RASAL1: variants seen among roughly 807,000 people sequenced by gnomAD.
RASAL1 encodes the protein rasGAP-activating-like protein 1.
In RASAL1, 72 loss-of-function variants were observed where a neutral mutation model predicts 96.6. That is an observed-to-expected ratio of 0.75 (90% CI 0.62 to 0.91). RASAL1 has a LOEUF of 0.91. Ranked by LOEUF, RASAL1 falls within the 40% of genes least tolerant of loss-of-function variation. RASAL1 has a pLI of 0.00. For missense variants in RASAL1, 1,016 were observed against 1,072.5 expected, an observed-to-expected ratio of 0.95 and a Z score of 0.74; for synonymous variants, 405 against 430.4, an observed-to-expected ratio of 0.94 and a Z score of 0.73.
intron 1 of RASAL1, among the ~76,000 whole-genome samples, chr12:113,133,044 C>A (rs569837191): frequency 6.6e-6 from 1 of 152,314 alleles, no homozygotes; most frequent in Admixed American, 6.5e-5. Context: ...CCCTCAGTTT[C>A]CCCAACTACA....
Position 113,119,239 on chromosome 12 carries a change from G to A in RASAL1, c.531C>T (p.Phe177=), listed in dbSNP as rs780200643. ...LETSTIKKTR[F]PHWDEVLELR... Reference sequence around the variant, plus strand: ...GCTCCAGCACTTCATCCCAGTGCGGGAAGCGAGTCTTCTTGATGGTCTGAG... The same window carrying A: ...GCTCCAGCACTTCATCCCAGTGCGGAAAGCGAGTCTTCTTGATGGTCTGAG... Residue 177 remains phenylalanine (F), a synonymous_variant, in exon 7 of 21, where the codon TTC becomes TTT. Transcript: ENST00000548055. 2 of 1,613,482 alleles carry A rather than the reference G, an allele frequency of 1.2e-6. No homozygotes were observed. Among genetic ancestry groups the A allele is most frequent in the South Asian group, 2.2e-5 (2 of 91,066 alleles).
intron 13 of RASAL1, among the ~76,000 whole-genome samples, chr12:113,109,050 T>A (rs1028518019): frequency 6.7e-6 from 1 of 150,322 alleles, no homozygotes; most frequent in South Asian, 2.1e-4. Context: ...TGTGTTTTTT[T>A]TTTTTTTTTT....
At position 113,115,372 on chromosome 12, in the gene RASAL1, G is replaced by T. The variant is rs1951036443; in HGVS notation, c.1004-108C>A. 2.6e-6 allele frequency: 3 copies of T among 1,175,020 alleles called. No homozygotes were observed. Among genetic ancestry groups the T allele is most frequent in the Non-Finnish European group, 3.8e-6 (3 of 785,564 alleles). 72.8% of individuals were successfully genotyped at this position (1,175,020 alleles called of 1,614,324 possible). A position where few individuals can be genotyped will look rare whatever the true frequency, so the allele number is the denominator to read the frequency against. ...TTCTTCCAGCCCCAAGAATCAGGAA[G>T]ACCCAAAACATCAACCCCATTCACA... On this transcript the variant is annotated intron_variant, in intron 10 of 20. Transcript: ENST00000548055. The surrounding 1 kb of genome is among the most constrained non-coding windows in gnomAD (Gnocchi z 4.1).
rs1299855152 is a variant in RASAL1, at chr12:113,117,023, C to T, written c.731+50G>A. 11 of 1,435,586 alleles carry T rather than the reference C, an allele frequency of 7.7e-6. No individual in the cohort carries two copies. In the Admixed American group the frequency reaches 8.0e-5, roughly 10 times the overall value. 88.9% of individuals were successfully genotyped at this position (1,435,586 alleles called of 1,614,324 possible). A position where few individuals can be genotyped will look rare whatever the true frequency, so the allele number is the denominator to read the frequency against. The stretch of plus-strand genomic sequence containing the variant: ...GGGCTCTGCCCGCAAGCTGTGGATG[C>T]TGCCCGGCATGGCTCCAGCCTGGCC... On this transcript the variant is annotated intron_variant, in intron 8 of 20. Transcript: ENST00000548055.
chr12:113,122,535 G>T (rs954828807), intron 4 of RASAL1, among the ~76,000 whole-genome samples: 2 of 152,136 alleles, frequency 1.3e-5, no homozygotes. Flanking sequence ...ATGTTGCCCA[G>T]GCTGGTCTCG....
At chr12:113,107,783 T>C (rs934113003) in intron 14 of RASAL1, among the ~76,000 whole-genome samples, 2 of 152,216 alleles carry the variant, frequency 1.3e-5, no homozygotes, top group Admixed American at 1.3e-4. Context: ...GGTACTCTCA[T>C]GCAGAATCTC....
rs368725777 is a variant in RASAL1, at chr12:113,100,147, T to C, written c.2279-79A>G. On this transcript the variant is annotated intron_variant, in intron 20 of 20. Coordinates refer to ENST00000548055, the MANE Select transcript of RASAL1 (RefSeq NM_001301202.2). ...GTAACCCGGACCCAATGGTTTCTCATGCTGAAGATGTGCCTTGTGCCCTGA... is the reference window on the plus strand; with the variant it reads ...GTAACCCGGACCCAATGGTTTCTCACGCTGAAGATGTGCCTTGTGCCCTGA... 758 of 1,435,206 alleles carry C rather than the reference T, an allele frequency of 5.3e-4. 8 individuals carry two copies. In the African/African-American group the frequency reaches 9.1e-3, roughly 17 times the overall value. The allele number at this position is 1,435,206 out of a possible 1,614,324, so 88.9% of individuals were successfully genotyped here.
In RASAL1 at chr12:113,099,745, C is replaced by T; in HGVS notation, c.*184G>A. The T allele has an allele frequency of 1.2e-6, 1 of 807,238 alleles. No homozygotes were observed. The highest frequency in any genetic ancestry group is 1.9e-6 in the Non-Finnish European group (1 of 530,918). 50.0% of individuals were successfully genotyped at this position (807,238 alleles called of 1,614,324 possible). On this transcript the variant is annotated 3_prime_UTR_variant, in exon 21 of 21. Coordinates refer to ENST00000548055, the MANE Select transcript of RASAL1 (RefSeq NM_001301202.2). ...AGTTTCACTCAGTGCAAGGCTGGCCCCTGCCAAAGGGCTTCCATGCCCTGA... is the reference window on the plus strand; with the variant it reads ...AGTTTCACTCAGTGCAAGGCTGGCCTCTGCCAAAGGGCTTCCATGCCCTGA...
At chr12:113,131,369 C>T (rs1247790736) in intron 1 of RASAL1, among the ~76,000 whole-genome samples, 2 of 152,058 alleles carry the variant, frequency 1.3e-5, no homozygotes, top group Non-Finnish European at 2.9e-5. Context: ...GTGATGCTCA[C>T]ATACACCTCC....
intron 18 of RASAL1, 185 bp downstream of exon 18, chr12:113,103,761 C>T: frequency 1.3e-6 from 1 of 788,744 alleles, no homozygotes; most frequent in Non-Finnish European, 2.0e-6. Context: ...TAAATCAAGT[C>T]ATTTAATTAT....
At chr12:113,136,520 G>A (rs1951920840), upstream of RASAL1, among the ~76,000 whole-genome samples, 1 of 152,184 alleles carries the variant, frequency 6.6e-6, no homozygotes, top group Non-Finnish European at 1.5e-5. Flanking sequence ...AAATAACTTG[G>A]CAGAGGTCTC....
chr12:113,099,921 G>T lies in RASAL1; in HGVS notation c.*8C>A. 6.2e-7 allele frequency: 1 copy of T among 1,607,940 alleles called. No homozygotes were observed. The highest frequency in any genetic ancestry group is 8.5e-7 in the Non-Finnish European group (1 of 1,176,538). Reference sequence around the variant, plus strand: ...TGCTCCTCCTTCCGGGCTAGCTCTGGCATTTCCTTAGGGGCCAAGGGGGCC... The same window carrying T: ...TGCTCCTCCTTCCGGGCTAGCTCTGTCATTTCCTTAGGGGCCAAGGGGGCC... On this transcript the variant is annotated 3_prime_UTR_variant, in exon 21 of 21. Coordinates refer to ENST00000548055, the MANE Select transcript of RASAL1 (RefSeq NM_001301202.2).
intron 19 of RASAL1, 85 bp from the exon 20 acceptor site, chr12:113,100,765 T>C: frequency 8.3e-7 from 1 of 1,206,504 alleles, no homozygotes; most frequent in Admixed American, 1.8e-5. Flanking sequence ...AGAAATTAGT[T>C]TTCCTGAACC....
chr12:113,135,058 AC>A lies in RASAL1; in HGVS notation c.65+339del, dbSNP rs1200816486. On this transcript the variant is annotated intron_variant, in intron 1 of 20. Transcript: ENST00000548055. The surrounding 1 kb of genome is among the most constrained non-coding windows in gnomAD (Gnocchi z 5.7). ...AACATCTGCCTGGACTAAGGAAGAG[AC>A]CCCCCGCTTTCTCCCCTCCCAGATC... Among the ~76,000 whole-genome samples, 1 of 150,122 alleles carries A rather than the reference AC, an allele frequency of 6.7e-6. No individual in the cohort carries two copies. Among genetic ancestry groups the A allele is most frequent in the Non-Finnish European group, 1.5e-5 (1 of 67,532 alleles).
chr12:113,118,422 T>G (rs1048140430), intron 7 of RASAL1, among the ~76,000 whole-genome samples: 3 of 152,110 alleles, frequency 2.0e-5, no homozygotes, highest in Non-Finnish European at 4.4e-5. Context: ...GACACTTGAG[T>G]TTTTTTCCAT....
In RASAL1 at chr12:113,115,185, C is replaced by CCTT. The variant is rs778242065; in HGVS notation, c.1068+12_1068+14dup. 6 of 1,609,032 alleles carry CCTT rather than the reference C, an allele frequency of 3.7e-6. No homozygotes were observed. The South Asian group carries it at 6.6e-5, about 18-fold the overall frequency. On this transcript the variant is annotated intron_variant, in intron 11 of 20. Transcript: ENST00000548055. This position sits in a 1 kb window ranked among gnomAD's most constrained non-coding sequence, Gnocchi z 4.1. Reference sequence around the variant, plus strand: ...AGGAAGCTGCGCCTGGTCCCGCAGGCCTTCACCTACTCACCTTCATAAACT... The same window carrying CCTT: ...AGGAAGCTGCGCCTGGTCCCGCAGGCCTTCTTCACCTACTCACCTTCATAAACT...
At chr12:113,113,287 T>C (rs892852413) in intron 12 of RASAL1, among the ~76,000 whole-genome samples, 21 of 152,150 alleles carry the variant, frequency 1.4e-4, no homozygotes, top group African/African-American at 5.1e-4. Context: ...AACAGCAACT[T>C]GATGGGGTAA....
chr12:113,111,986 C>T, intron 13 of RASAL1, 100 bp downstream of exon 13: 2 of 1,063,364 alleles, frequency 1.9e-6, no homozygotes, highest in Non-Finnish European at 2.4e-6. Flanking sequence ...GCTCTAGTGC[C>T]GGCAGCCTAG....
intron 14 of RASAL1, 158 bp from the exon 15 acceptor site, chr12:113,107,399 G>T: frequency 2.4e-6 from 2 of 843,536 alleles, no homozygotes; most frequent in South Asian, 3.5e-5. Context: ...GAAGTAAGCG[G>T]ATCACTTGAG....
Sources: allele counts gnomAD v4.1 joint callset (sites outside exome capture counted in the v4.1 genomes callset), GRCh38; gene constraint gnomAD v4.1.1; non-coding constraint Gnocchi (gnomAD v3.1); transcripts MANE v1.5; gene names NCBI Gene and HGNC (gene_info 2026-07-23, HGNC 2026-07-21).